The following EBF1 variants were observed in gnomAD, a reference collection of about 807,000 sequenced individuals.
EBF1 encodes EBF transcription factor 1.
In EBF1, 10 loss-of-function variants were observed where a neutral mutation model predicts 68.4. That is an observed-to-expected ratio of 0.15 (90% CI 0.09 to 0.25). The LOEUF (loss-of-function observed/expected upper bound fraction) is 0.25, where lower values mean the gene tolerates loss of function less well. Among genes scored for constraint, EBF1 ranks in the 10% least tolerant of loss-of-function variants. EBF1 has a pLI of 1.00. For synonymous variants in EBF1, 298 were observed against 299.8 expected (o/e 0.99, Z 0.06); for missense variants, 509 against 794.4 (o/e 0.64, Z 4.32).
intron 10 of EBF1, among the ~76,000 whole-genome samples, chr5:158,735,552 A>C (rs1437532020): frequency 6.6e-6 from 1 of 152,154 alleles, no homozygotes; most frequent in Non-Finnish European, 1.5e-5. Context: ...TTGCAGGGCA[A>C]ATGTCTCAGC....
At chr5:158,867,658 G>A (rs189331745) in intron 6 of EBF1, among the ~76,000 whole-genome samples, 139 of 148,938 alleles carry the variant, frequency 9.3e-4, no homozygotes, top group Non-Finnish European at 1.7e-3. Flanking sequence ...ATTCTCACCT[G>A]CCTTAGTTTG....
intron 6 of EBF1, among the ~76,000 whole-genome samples, chr5:159,038,281 G>C (rs531873706): frequency 6.6e-6 from 1 of 152,108 alleles, no homozygotes; most frequent in Non-Finnish European, 1.5e-5. Flanking sequence ...AGGGAAATGA[G>C]GGGGGAAACC....
intron 8 of EBF1, among the ~76,000 whole-genome samples, chr5:158,803,115 T>C (rs1010245753): frequency 6.6e-6 from 1 of 152,108 alleles, no homozygotes; most frequent in African/African-American, 2.4e-5. Flanking sequence ...GACTTTAATG[T>C]TATTGTCCCA....
At chr5:159,005,667 C>A (rs182875099) in intron 6 of EBF1, among the ~76,000 whole-genome samples, 162 of 151,986 alleles carry the variant, frequency 1.1e-3, no homozygotes, top group East Asian at 2.7e-3. Context: ...ATAAAAAAAA[C>A]CAGAATATCA....
chr5:158,724,605 T>C (rs1409171342), intron 11 of EBF1, among the ~76,000 whole-genome samples: 1 of 152,244 alleles, frequency 6.6e-6, no homozygotes, highest in Non-Finnish European at 1.5e-5. Flanking sequence ...TCTGTATTTA[T>C]GATAAATCAC....
At chr5:158,964,709 A>G (rs1753749048) in intron 6 of EBF1, among the ~76,000 whole-genome samples, 1 of 152,182 alleles carries the variant, frequency 6.6e-6, no homozygotes, top group African/African-American at 2.4e-5. Context: ...CCAAAACACC[A>G]ATATGTAATC....
At chr5:158,880,610 T>C (rs561153795) in intron 6 of EBF1, among the ~76,000 whole-genome samples, 7 of 152,284 alleles carry the variant, frequency 4.6e-5, no homozygotes, top group African/African-American at 1.7e-4. Flanking sequence ...AAATGCAATA[T>C]ACAAAGTCAG....
chr5:158,960,153 G>C (rs1008844564), intron 6 of EBF1, among the ~76,000 whole-genome samples: 1 of 152,170 alleles, frequency 6.6e-6, no homozygotes, highest in Non-Finnish European at 1.5e-5. Flanking sequence ...CAGCATGGAA[G>C]CATTTTAAGA....
At chr5:158,860,805 T>C (rs752073809) in intron 6 of EBF1, among the ~76,000 whole-genome samples, 11 of 152,162 alleles carry the variant, frequency 7.2e-5, no homozygotes, top group Non-Finnish European at 1.2e-4. Context: ...TCTCGGCGCA[T>C]AAATCCCTTT....
At chr5:158,978,954 TC>T (rs140004920) in intron 6 of EBF1, among the ~76,000 whole-genome samples, 7,676 of 152,188 alleles carry the variant, frequency 0.05, 271 homozygotes, top group Non-Finnish European at 0.072. Context: ...CAAATATGCA[TC>T]CTTTCTTTGA....
At chr5:159,014,939 T>TG (rs1410026315) in intron 6 of EBF1, among the ~76,000 whole-genome samples, 1 of 152,126 alleles carries the variant, frequency 6.6e-6, no homozygotes, top group African/African-American at 2.4e-5. Context: ...TGGAGGGCTT[T>TG]GGGGGAAAGA....
At chr5:158,701,852 G>A (rs1029607567) in intron 15 of EBF1, among the ~76,000 whole-genome samples, 2 of 152,156 alleles carry the variant, frequency 1.3e-5, no homozygotes, top group East Asian at 1.9e-4. Context: ...TTCATCAGCC[G>A]ACAGACTTCT....
At chr5:159,086,938 T>G (rs377322801) in intron 4 of EBF1, among the ~76,000 whole-genome samples, 6 of 152,252 alleles carry the variant, frequency 3.9e-5, no homozygotes, top group African/African-American at 1.4e-4. Context: ...TAACTAAAAA[T>G]GTTTTGAAAA....
chr5:158,887,442 G>A (rs1381244894), intron 6 of EBF1, among the ~76,000 whole-genome samples: 2 of 152,100 alleles, frequency 1.3e-5, no homozygotes, highest in Non-Finnish European at 2.9e-5. Context: ...GAAAACAACT[G>A]TAATGTTGTT....
intron 6 of EBF1, among the ~76,000 whole-genome samples, chr5:158,882,377 A>C (rs973505677): frequency 6.6e-6 from 1 of 152,156 alleles, no homozygotes; most frequent in African/African-American, 2.4e-5. Context: ...AGGAAAAATG[A>C]GTGTTTTCTC....
chr5:158,845,826 C>T (rs969512117), intron 6 of EBF1, among the ~76,000 whole-genome samples: 7 of 152,096 alleles, frequency 4.6e-5, no homozygotes, highest in Non-Finnish European at 8.8e-5. Context: ...TGGAGAACTC[C>T]AGCCAGTCAG....
intron 6 of EBF1, among the ~76,000 whole-genome samples, chr5:158,971,521 G>T (rs966637339): frequency 1.3e-5 from 2 of 152,174 alleles, no homozygotes; most frequent in African/African-American, 4.8e-5. Flanking sequence ...TGCTTCGGTT[G>T]CAGGACACCT....
chr5:158,800,533 A>T lies in EBF1; in HGVS notation c.779-4058T>A, dbSNP rs187575386. 8.9e-4 allele frequency among the ~76,000 whole-genome samples: 136 copies of T among 152,366 alleles called. 1 individual carries two copies. Among genetic ancestry groups the T allele is most frequent in the Admixed American group, 5.7e-3 (87 of 15,290 alleles). ...AAAATTAAGTAGCAGCAGAACATTT[A>T]ATTCTATGAGAGCAAACAGTTGTAC... On this transcript the variant is annotated intron_variant, in intron 8 of 15. Transcript: ENST00000313708.
chr5:159,083,724 T>A lies in EBF1; in HGVS notation c.485+942A>T, dbSNP rs568177283. Among the ~76,000 whole-genome samples, 13 of 152,312 alleles carry A rather than the reference T, an allele frequency of 8.5e-5. No homozygotes were observed. The South Asian group carries it at 2.5e-3, about 29-fold the overall frequency. On this transcript the variant is annotated intron_variant, in intron 5 of 15. Coordinates refer to ENST00000313708, the MANE Select transcript of EBF1 (RefSeq NM_024007.5). ...GCAGCAGCTGAAGCCCTAAACGGAT[T>A]GGTCAGTAATAGTCAGCAGCCAGGC...
Sources: gnomAD v4.1 joint callset for allele counts (sites outside exome capture counted in the v4.1 genomes callset) on GRCh38, gnomAD v4.1.1 for gene constraint, MANE v1.5 for transcripts, NCBI Gene and HGNC (gene_info 2026-07-23, HGNC 2026-07-21) for gene names.